Variants in ZNF708 observed in about 807,000 individuals in gnomAD.
ZNF708 encodes zinc finger protein 708.
A neutral mutation model predicts 47.0 loss-of-function variants in ZNF708; 44 were observed. The ratio of observed to expected loss-of-function variants is 0.94; its 90% CI spans 0.74 to 1.20. The LOEUF (loss-of-function observed/expected upper bound fraction) is 1.20, where lower values mean the gene tolerates loss of function less well. Among genes scored for constraint, ZNF708 ranks in the 50% most tolerant of loss-of-function variants. ZNF708 has a pLI of 0.00. For missense variants in ZNF708, 557 were observed against 656.0 expected (o/e 0.85, Z 1.65); for synonymous variants, 184 against 218.5 (o/e 0.84, Z 1.39).
Position 21,293,828 on chromosome 19 carries a change from T to A in ZNF708, c.1138A>T (p.Thr380Ser). 6.2e-7 allele frequency: 1 copy of A among 1,613,502 alleles called. No individual in the cohort carries two copies. Reference sequence around the variant, plus strand: ...CCAGTATGAATTACCTTATGATTAGTAAGGTGTGAGGACCGGTTAAAAGCT... The same window carrying A: ...CCAGTATGAATTACCTTATGATTAGAAAGGTGTGAGGACCGGTTAAAAGCT... ...GKAFNRSSHL[T>S]NHKVIHTGEK... Residue 380 changes from threonine (T) to serine (S), a missense_variant, in exon 4 of 4, where the codon ACT becomes TCT. Transcript: ENST00000356929.
Position 21,291,225 on chromosome 19 carries a change from TTTTTAA to T in ZNF708, c.*2043_*2048del, listed in dbSNP as rs1972386070. On this transcript the variant is annotated 3_prime_UTR_variant, in exon 4 of 4. Transcript: ENST00000356929. Reference sequence around the variant, plus strand: ...ACAAATAGTAAAATAACGTACTAATTTTTTAATTTTAACAAAACTTAAATGTTCTTA... The same window carrying T: ...ACAAATAGTAAAATAACGTACTAATTTTTTAACAAAACTTAAATGTTCTTA... 1 of 135,060 alleles carries T rather than the reference TTTTTAA, an allele frequency of 7.4e-6. No individual in the cohort carries two copies. The highest frequency in any genetic ancestry group is 2.7e-5 in the African/African-American group (1 of 36,790). The allele number at this position is 135,060 out of a possible 1,614,324, so 8.4% of individuals were successfully genotyped here. A position where few individuals can be genotyped will look rare whatever the true frequency, so the allele number is the denominator to read the frequency against.
chr19:21,296,272 G>A (rs1344353944), intron 3 of ZNF708, among the ~76,000 whole-genome samples: 1 of 152,004 alleles, frequency 6.6e-6, no homozygotes, highest in African/African-American at 2.4e-5. Flanking sequence ...AGGCCGAGGC[G>A]GGCGGATCAC....
intron 3 of ZNF708, among the ~76,000 whole-genome samples, chr19:21,300,739 C>T (rs916001934): frequency 6.6e-6 from 1 of 151,982 alleles, no homozygotes; most frequent in Non-Finnish European, 1.5e-5. Flanking sequence ...CGGCTCACTG[C>T]ATGCTCCACC....
chr19:21,305,752 G>A (rs1972752227), intron 3 of ZNF708, among the ~76,000 whole-genome samples: 1 of 152,034 alleles, frequency 6.6e-6, no homozygotes, highest in East Asian at 1.9e-4. Context: ...TGAGCCACCG[G>A]GCCTGGCCTA....
intron 3 of ZNF708, among the ~76,000 whole-genome samples, chr19:21,301,223 T>A (rs1040931669): frequency 3.3e-5 from 5 of 152,034 alleles, no homozygotes; most frequent in African/African-American, 1.2e-4. Context: ...ACCCCTGTAA[T>A]CCCAGCACTT....
At chr19:21,294,887 G>T in intron 3 of ZNF708, 148 bp from the exon 4 acceptor site, 1 of 798,962 alleles carries the variant, frequency 1.3e-6, no homozygotes, top group Non-Finnish European at 1.8e-6. Flanking sequence ...TGTAACAAAA[G>T]CATTCTGACC....
intron 1 of ZNF708, among the ~76,000 whole-genome samples, chr19:21,320,326 G>C (rs1568354639): frequency 2.6e-5 from 4 of 152,168 alleles, no homozygotes; most frequent in African/African-American, 7.2e-5. Flanking sequence ...ATTTATTGCA[G>C]TACTATTCAC....
intron 1 of ZNF708, among the ~76,000 whole-genome samples, chr19:21,313,125 A>AG (rs1018774352): frequency 2.5e-4 from 38 of 150,094 alleles, no homozygotes; most frequent in Admixed American, 8.0e-4. Context: ...AAAAATACAA[A>AG]AAAAAAAAAA....
At chr19:21,312,303 A>C (rs1972915771) in intron 1 of ZNF708, among the ~76,000 whole-genome samples, 1 of 151,914 alleles carries the variant, frequency 6.6e-6, no homozygotes, top group Non-Finnish European at 1.5e-5. Flanking sequence ...CAAAAAAAAA[A>C]AATACAAAAA....
intron 1 of ZNF708, among the ~76,000 whole-genome samples, chr19:21,327,532 C>A (rs1196128920): frequency 8.5e-4 from 114 of 133,788 alleles, no homozygotes; most frequent in African/African-American, 1.1e-3. Flanking sequence ...AACTCCACCT[C>A]AAAAAAAAAA....
intron 1 of ZNF708, chr19:21,318,827 A>G (rs1973068039): frequency 6.6e-6 from 1 of 152,106 alleles, no homozygotes; most frequent in Non-Finnish European, 1.5e-5. Context: ...TCACCTGTCT[A>G]TTTGTCCTGG....
intron 3 of ZNF708, among the ~76,000 whole-genome samples, chr19:21,303,762 T>A (rs1271158422): frequency 2.0e-5 from 3 of 151,894 alleles, no homozygotes; most frequent in African/African-American, 4.8e-5. Context: ...AAGGTAGTTA[T>A]AATTATATTA....
In ZNF708 at chr19:21,293,617, C is replaced by T. The variant is rs775635542; in HGVS notation, c.1349G>A (p.Cys450Tyr). The T allele has an allele frequency of 4.3e-6, 7 of 1,612,514 alleles. No homozygotes were observed. The highest frequency in any genetic ancestry group is 5.9e-6 in the Non-Finnish European group (7 of 1,179,714). Residue 450 changes from cysteine (C) to tyrosine (Y), a missense_variant, in exon 4 of 4, where the codon TGT becomes TAT. Cys to Tyr is a radical substitution (Grantham distance 194). Coordinates refer to ENST00000356929, the MANE Select transcript of ZNF708 (RefSeq NM_021269.3). ...GTTAAAAGTTTTGCCACATTCTTCA[C>T]ATTTGTAGGGTTTGTCTTCAGTATG... ...VIHTEDKPYKCEECGKTFNYS... is the reference protein window; with the variant it reads ...VIHTEDKPYKYEECGKTFNYS...
chr19:21,324,695 A>G (rs1026593778), intron 1 of ZNF708, among the ~76,000 whole-genome samples: 4 of 152,210 alleles, frequency 2.6e-5, no homozygotes, highest in Non-Finnish European at 5.9e-5. Flanking sequence ...CAAACAATAA[A>G]TGCATTATTT....
intron 1 of ZNF708, among the ~76,000 whole-genome samples, chr19:21,316,227 G>A (rs941240792): frequency 2.9e-5 from 4 of 138,190 alleles, no homozygotes; most frequent in Admixed American, 7.8e-5. Context: ...TCCTCCTCCC[G>A]GATTCTCCTG....
intron 3 of ZNF708, among the ~76,000 whole-genome samples, chr19:21,297,790 T>C (rs1599669618): frequency 6.6e-6 from 1 of 151,624 alleles, no homozygotes; most frequent in African/African-American, 2.4e-5. Flanking sequence ...GTAGAAATTT[T>C]ATGTAAATAT....
chr19:21,318,855 T>C (rs1235352476), intron 1 of ZNF708: 1 of 152,174 alleles, frequency 6.6e-6, no homozygotes, highest in Non-Finnish European at 1.5e-5. Context: ...GCATTCCAAT[T>C]TAGTAAAATG....
rs1972415023 is a variant in ZNF708 at position 21,292,451 on chromosome 19, C to A, written c.*823G>T. ...CTCAGTATGAACCCTCTGGTGTTGTCTAAGTTGTAGTTTTGGAAAACTTTT... is the reference window on the plus strand; with the variant it reads ...CTCAGTATGAACCCTCTGGTGTTGTATAAGTTGTAGTTTTGGAAAACTTTT... On this transcript the variant is annotated 3_prime_UTR_variant, in exon 4 of 4. Coordinates refer to ENST00000356929, the MANE Select transcript of ZNF708 (RefSeq NM_021269.3). 2 of 152,140 alleles carry A rather than the reference C, an allele frequency of 1.3e-5. No homozygotes were observed. The highest frequency in any genetic ancestry group is 4.8e-5 in the African/African-American group (2 of 41,422). The allele number at this position is 152,140 out of a possible 1,614,324, so 9.4% of individuals were successfully genotyped here.
Position 21,291,484 on chromosome 19 carries a change from A to G in ZNF708, c.*1790T>C, listed in dbSNP as rs1234050794. On this transcript the variant is annotated 3_prime_UTR_variant, in exon 4 of 4. Coordinates refer to ENST00000356929, the MANE Select transcript of ZNF708 (RefSeq NM_021269.3). ...ACATGCTTTCACATGTGAATACAAT[A>G]GAAATGAAGAAATAGCATCAAGTAA... 2.6e-5 allele frequency: 4 copies of G among 152,200 alleles called. No homozygotes were observed. Among genetic ancestry groups the G allele is most frequent in the Admixed American group, 1.3e-4 (2 of 15,282 alleles). The allele number at this position is 152,200 out of a possible 1,614,324, so 9.4% of individuals were successfully genotyped here.
Sources: gnomAD v4.1 joint callset for allele counts (sites outside exome capture counted in the v4.1 genomes callset) on GRCh38, gnomAD v4.1.1 for gene constraint, MANE v1.5 for transcripts, NCBI Gene and HGNC (gene_info 2026-07-23, HGNC 2026-07-21) for gene names.